DMD: variants seen among roughly 807,000 people sequenced by gnomAD.
DMD encodes the protein dystrophin.
DMD carries 63 observed loss-of-function variants against 330.1 expected under a neutral mutation model. The observed-to-expected ratio is 0.19, with a 90% CI of 0.16 to 0.24. DMD has a LOEUF of 0.24. Among genes scored for constraint, DMD ranks in the 10% least tolerant of loss-of-function variants. The probability of loss-of-function intolerance (pLI) is 1.00; values close to 1 mark genes in which losing one functional copy is unlikely to be tolerated. For synonymous variants in DMD, 1,223 were observed against 959.8 expected (o/e 1.27, Z -5.07); for missense variants, 3,344 against 2,684.1 (o/e 1.25, Z -5.43).
chrX:32,079,576 C>G (rs1259929545), intron 44 of DMD, among the ~76,000 whole-genome samples: 2 of 104,985 alleles, frequency 1.9e-5, no homozygotes, highest in Non-Finnish European at 3.9e-5. Context: ...GCCTGGGCAA[C>G]AGAGCAAGAC....
At chrX:32,872,379 C>T (rs1603451386) in intron 2 of DMD, among the ~76,000 whole-genome samples, 1 of 111,759 alleles carries the variant, frequency 8.9e-6, no homozygotes, top group African/African-American at 3.3e-5. Context: ...GTGAATTGCT[C>T]ACTTAAACCA....
intron 55 of DMD, among the ~76,000 whole-genome samples, chrX:31,585,086 C>T (rs1319342417): frequency 6.4e-5 from 7 of 110,131 alleles, no homozygotes; most frequent in African/African-American, 2.3e-4. Flanking sequence ...CTTTGGGAGG[C>T]TGAGGTGGGC....
intron 11 of DMD, chrX:32,641,381 A>G (rs1162796117): frequency 1.9e-5 from 2 of 107,327 alleles, no homozygotes; most frequent in African/African-American, 7.6e-5. Flanking sequence ...ATTTGTTCAT[A>G]TAGAGAGATA....
intron 1 of DMD, among the ~76,000 whole-genome samples, chrX:33,269,456 G>T (rs1029350318): frequency 1.8e-5 from 2 of 110,873 alleles, no homozygotes; most frequent in African/African-American, 6.6e-5. Context: ...GGACCGGCGG[G>T]GAAGGAGTTA....
intron 13 of DMD, among the ~76,000 whole-genome samples, chrX:32,590,927 A>ATCTT (rs1305150397): frequency 3.6e-5 from 4 of 111,799 alleles, no homozygotes; most frequent in African/African-American, 9.8e-5. Flanking sequence ...ACATATATAC[A>ATCTT]TCTATCTATC....
chrX:31,473,723 A>AAAAAAAAAAAAAAAAAAAG, intron 59 of DMD, among the ~76,000 whole-genome samples: 1 of 109,269 alleles, frequency 9.2e-6, no homozygotes, highest in African/African-American at 3.3e-5. Flanking sequence ...AAAAAAAAAA[A>AAAAAAAAAAAAAAAAAAAG]AAAAAGAAAA....
chrX:32,258,111 G>T lies in DMD; in HGVS notation c.6290+29418C>A, dbSNP rs1320793136. ...GAGGAATGCAAATCAAAACCACAAT[G>T]AGATACCATCTCACACCAGTTAGAA... On this transcript the variant is annotated intron_variant, in intron 43 of 78. Coordinates refer to ENST00000357033, the MANE Select transcript of DMD (RefSeq NM_004006.3). 2.7e-5 allele frequency among the ~76,000 whole-genome samples: 3 copies of T among 111,550 alleles called. No individual in the cohort carries two copies. The South Asian group carries it at 1.1e-3, about 42-fold the overall frequency.
At chrX:33,220,454 T>G (rs752981874) in intron 1 of DMD, among the ~76,000 whole-genome samples, 1 of 112,069 alleles carries the variant, frequency 8.9e-6, no homozygotes, top group Non-Finnish European at 1.9e-5. Context: ...TTCCTTGAGT[T>G]ATGTTATGTG....
chrX:31,955,455 T>G (rs1319362686), intron 45 of DMD, among the ~76,000 whole-genome samples: 1 of 112,230 alleles, frequency 8.9e-6, no homozygotes, highest in Non-Finnish European at 1.9e-5. Flanking sequence ...TAACTTTGGT[T>G]AGCCTTGGAC....
intron 63 of DMD, among the ~76,000 whole-genome samples, chrX:31,223,632 A>G (rs2046316802): frequency 8.9e-6 from 1 of 112,049 alleles, no homozygotes; most frequent in African/African-American, 3.2e-5. Context: ...ATCATCCACA[A>G]GCCCATAAAC....
At chrX:31,970,942 G>C (rs1049948916) in intron 44 of DMD, among the ~76,000 whole-genome samples, 14 of 111,664 alleles carry the variant, frequency 1.3e-4, no homozygotes, top group African/African-American at 4.5e-4. Context: ...TCCTTCAAGA[G>C]TGTCCAATAC....
intron 44 of DMD, among the ~76,000 whole-genome samples, chrX:32,175,406 A>C (rs1193061352): frequency 9.0e-6 from 1 of 110,746 alleles, no homozygotes. Context: ...ATGGGAGGGG[A>C]CAGTAAGGGA....
At chrX:32,638,720 G>T (rs1049849507) in intron 11 of DMD, among the ~76,000 whole-genome samples, 9 of 111,800 alleles carry the variant, frequency 8.1e-5, no homozygotes, top group Admixed American at 2.8e-4. Flanking sequence ...TCAATTCCAA[G>T]ATTGGAATTA....
chrX:32,778,278 G>C (rs1299928663), intron 7 of DMD, among the ~76,000 whole-genome samples: 3 of 108,318 alleles, frequency 2.8e-5, no homozygotes, highest in Admixed American at 2.0e-4. Flanking sequence ...CTTTCGTCTA[G>C]GGTGAGGGAA....
At chrX:32,060,339 G>T (rs2096213744) in intron 44 of DMD, among the ~76,000 whole-genome samples, 1 of 111,238 alleles carries the variant, frequency 9.0e-6, no homozygotes, top group African/African-American at 3.3e-5. Context: ...AAAAACTGCT[G>T]AATGAATCCT....
At chrX:32,201,466 AACACCC>A (rs147212692) in intron 44 of DMD, among the ~76,000 whole-genome samples, 1,368 of 76,641 alleles carry the variant, frequency 0.018, 26 homozygotes, top group African/African-American at 0.061. Flanking sequence ...TGCAAATTCA[AACACCC>A]CCCCCCCCCC....
At chrX:32,356,341 G>C (rs1206978872) in intron 37 of DMD, among the ~76,000 whole-genome samples, 3 of 66,814 alleles carry the variant, frequency 4.5e-5, no homozygotes, top group African/African-American at 1.7e-4. Context: ...CTTATCCAAA[G>C]AATGATTACT....
chrX:31,120,400 A>G lies in DMD; in HGVS notation c.*1519T>C, dbSNP rs2032194673. 8.9e-6 allele frequency: 1 copy of G among 111,864 alleles called. No homozygotes were observed. The highest frequency in any genetic ancestry group is 3.8e-4 in the South Asian group (1 of 2,664). The allele number at this position is 111,864 out of a possible 1,213,427, so 9.2% of individuals were successfully genotyped here. On this transcript the variant is annotated 3_prime_UTR_variant, in exon 79 of 79. Coordinates refer to ENST00000357033, the MANE Select transcript of DMD (RefSeq NM_004006.3). ...GTGGAACTACTCGCAGAGAAATGCAAAGGATGGAAACACAGTTCATGGGCT... is the reference window on the plus strand; with the variant it reads ...GTGGAACTACTCGCAGAGAAATGCAGAGGATGGAAACACAGTTCATGGGCT...
At chrX:33,319,283 G>A (rs2053980324) in intron 1 of DMD, among the ~76,000 whole-genome samples, 1 of 111,027 alleles carries the variant, frequency 9.0e-6, no homozygotes, top group Non-Finnish European at 1.9e-5. Flanking sequence ...AAGCCCAAAT[G>A]GATGAAGAAT....
Sources: allele counts gnomAD v4.1 joint callset (sites outside exome capture counted in the v4.1 genomes callset), GRCh38; gene constraint gnomAD v4.1.1; transcripts MANE v1.5; gene names NCBI Gene and HGNC (gene_info 2026-07-23, HGNC 2026-07-21).